Variants in RAP1GAP observed in about 807,000 individuals in gnomAD.
RAP1GAP encodes the protein rap1 GTPase-activating protein 1.
A neutral mutation model predicts 87.2 loss-of-function variants in RAP1GAP; 35 were observed. The ratio of observed to expected loss-of-function variants is 0.40; its 90% CI spans 0.31 to 0.53. The LOEUF (loss-of-function observed/expected upper bound fraction) is 0.53. Among genes scored for constraint, RAP1GAP ranks in the 20% least tolerant of loss-of-function variants. The pLI is 0.48. For synonymous variants in RAP1GAP, 375 were observed against 363.9 expected (o/e 1.03, Z -0.35); for missense variants, 734 against 898.9 (o/e 0.82, Z 2.35).
At chr1:21,631,562 T>TACTA (rs1391027239) in intron 2 of RAP1GAP, among the ~76,000 whole-genome samples, 44 of 152,264 alleles carry the variant, frequency 2.9e-4, no homozygotes, top group African/African-American at 1.0e-3. Context: ...GCCACGCGCC[T>TACTA]GTAATCCTAG....
At chr1:21,665,295 C>T (rs771650388) in intron 1 of RAP1GAP, 1 of 514,570 alleles carries the variant, frequency 1.9e-6, no homozygotes, top group South Asian at 1.4e-5. Flanking sequence ...GGGAGGGTGG[C>T]CTCGGTTGGC....
Position 21,669,141 on chromosome 1 carries a change from C to T in RAP1GAP, c.-149+113G>A. The stretch of plus-strand genomic sequence containing the variant: ...CCCGGGTCCCCCACGCGTTCGCCCC[C>T]ACCCTCCGTCCCCGCCCGCCCGCGC... On this transcript the variant is annotated intron_variant, in intron 1 of 24. Transcript: ENST00000374765. This position sits in a 1 kb window ranked among gnomAD's most constrained non-coding sequence, Gnocchi z 5.6. 1 of 1,138,700 alleles carries T rather than the reference C, an allele frequency of 8.8e-7. No homozygotes were observed. Among genetic ancestry groups the T allele is most frequent in the Non-Finnish European group, 1.1e-6 (1 of 905,462 alleles). The allele number at this position is 1,138,700 out of a possible 1,614,324, so 70.5% of individuals were successfully genotyped here.
chr1:21,643,570 A>G (rs1389511316), intron 2 of RAP1GAP, among the ~76,000 whole-genome samples: 6 of 127,486 alleles, frequency 4.7e-5, no homozygotes, highest in South Asian at 2.4e-4. Context: ...AAAAAAAAAA[A>G]AAAAAGAAAA....
At chr1:21,618,107 CA>C (rs760218401) in intron 5 of RAP1GAP, 135 bp from the exon 6 acceptor site, 2 of 1,043,218 alleles carry the variant, frequency 1.9e-6, no homozygotes, top group Non-Finnish European at 3.0e-6. Flanking sequence ...TACAGATGGG[CA>C]GGGGCTGAGG....
chr1:21,643,960 G>T (rs1447428592), intron 2 of RAP1GAP, among the ~76,000 whole-genome samples: 1 of 152,178 alleles, frequency 6.6e-6, no homozygotes, highest in Non-Finnish European at 1.5e-5. Context: ...GGCACACAGG[G>T]CCAACCAGAC....
At chr1:21,638,573 C>T (rs79381102) in intron 2 of RAP1GAP, among the ~76,000 whole-genome samples, 7,149 of 152,154 alleles carry the variant, frequency 0.047, 206 homozygotes, top group African/African-American at 0.063. Flanking sequence ...TCTGTCTGTC[C>T]GTCCTCTTTC....
intron 2 of RAP1GAP, chr1:21,626,901 C>T (rs1325502657): frequency 8.8e-6 from 4 of 456,664 alleles, no homozygotes; most frequent in Admixed American, 4.7e-5. Flanking sequence ...GTTCTAGGCC[C>T]GAGGGCATGG....
chr1:21,667,605 C>G (rs2097411701), intron 1 of RAP1GAP: 1 of 152,526 alleles, frequency 6.6e-6, no homozygotes, highest in African/African-American at 2.4e-5. Context: ...CACCTCCTGG[C>G]AGCAAAGGGG....
intron 2 of RAP1GAP, among the ~76,000 whole-genome samples, chr1:21,630,231 T>C (rs1293898458): frequency 2.0e-5 from 3 of 151,998 alleles, no homozygotes; most frequent in African/African-American, 7.2e-5. Context: ...ACTTAGTAAA[T>C]AGTAGTTGCT....
chr1:21,654,190 G>T (rs2096768449), intron 1 of RAP1GAP, among the ~76,000 whole-genome samples: 1 of 152,208 alleles, frequency 6.6e-6, no homozygotes, highest in Admixed American at 6.5e-5. Context: ...TTTGGTGACG[G>T]CTGAATTTAA....
intron 2 of RAP1GAP, among the ~76,000 whole-genome samples, chr1:21,644,450 C>T (rs951790725): frequency 1.3e-5 from 2 of 152,180 alleles, no homozygotes; most frequent in African/African-American, 2.4e-5. Flanking sequence ...CTCAGCCTCC[C>T]CAGCCCTAAA....
chr1:21,610,345 G>C, intron 13 of RAP1GAP, 70 bp from the exon 14 acceptor site: 1 of 1,542,116 alleles, frequency 6.5e-7, no homozygotes, highest in Non-Finnish European at 8.9e-7. Flanking sequence ...GTGCCCACGG[G>C]GGTTTAGGAG....
rs187996261 is a variant in RAP1GAP, at chr1:21,639,701, G to A, written c.-113+10060C>T. The stretch of plus-strand genomic sequence containing the variant: ...GCGGGGGGCACAGGCACATCTGTGC[G>A]GATGTGGAGTGAGCAAGGATCCACC... On this transcript the variant is annotated intron_variant, in intron 2 of 24. Coordinates refer to ENST00000374765, the MANE Select transcript of RAP1GAP (RefSeq NM_002885.4). 9.5e-3 allele frequency among the ~76,000 whole-genome samples: 1,445 copies of A among 152,300 alleles called. 23 individuals carry two copies. Among genetic ancestry groups the A allele is most frequent in the Non-Finnish European group, 0.012 (783 of 68,004 alleles).
rs183442457 is a variant in RAP1GAP, at chr1:21,599,595, C to G, written c.1675G>C (p.Ala559Pro). 1.2e-5 allele frequency: 19 copies of G among 1,607,322 alleles called. No homozygotes were observed. The East Asian group carries it at 3.8e-4, about 32-fold the overall frequency. ...CGGGAGAAGTCCTTGAGCGCCTCTG[C>G]TCTCTGCGCTGCGGTCTCCGCTCTG... ...KNRAETAAQR[A>P]EALKDFSRSS... Residue 559 changes from alanine (A) to proline (P), a missense_variant, in exon 21 of 25, where the codon GCA (alanine) becomes CCA (proline). Ala to Pro is a conservative substitution (Grantham distance 27). This residue lies in a region of RAP1GAP where 249 missense variants were observed against 252.7 expected (regional missense o/e 0.99). Transcript: ENST00000374765.
rs575680525 is a variant in RAP1GAP, at chr1:21,627,685, G to A, written c.-112-1288C>T. Among the ~76,000 whole-genome samples, 27 of 152,156 alleles carry A rather than the reference G, an allele frequency of 1.8e-4. No homozygotes were observed. In the Middle Eastern group the frequency reaches 0.014, roughly 77 times the overall value. ...CCGCCTCAGCCTCCCAAAGTGCTGA[G>A]ATTATAGGTGTGAGCCACTGCGCCC... On this transcript the variant is annotated intron_variant, in intron 2 of 24. Coordinates refer to ENST00000374765, the MANE Select transcript of RAP1GAP (RefSeq NM_002885.4).
Position 21,639,380 on chromosome 1 carries a change from A to C in RAP1GAP, c.-113+10381T>G, listed in dbSNP as rs552065935. 2.6e-5 allele frequency among the ~76,000 whole-genome samples: 4 copies of C among 152,318 alleles called. No homozygotes were observed. The South Asian group carries it at 8.3e-4, about 32-fold the overall frequency. On this transcript the variant is annotated intron_variant, in intron 2 of 24. Coordinates refer to ENST00000374765, the MANE Select transcript of RAP1GAP (RefSeq NM_002885.4). ...TCACCTTCTCAGTGACAGCCTGGAAAGGTGACAGTCACACCTGAGTGTGTC... is the reference window on the plus strand; with the variant it reads ...TCACCTTCTCAGTGACAGCCTGGAACGGTGACAGTCACACCTGAGTGTGTC...
chr1:21,651,436 G>A (rs911285110), intron 1 of RAP1GAP: 4 of 577,792 alleles, frequency 6.9e-6, no homozygotes, highest in Non-Finnish European at 1.4e-5. Context: ...ACACACACGC[G>A]CGCACACACA....
chr1:21,631,856 G>A (rs187186546), intron 2 of RAP1GAP, among the ~76,000 whole-genome samples: 2 of 152,234 alleles, frequency 1.3e-5, no homozygotes, highest in East Asian at 1.9e-4. Context: ...CTTCCACAGC[G>A]TGCATCCCAC....
At chr1:21,656,430 A>C (rs28642209) in intron 1 of RAP1GAP, among the ~76,000 whole-genome samples, 2,459 of 91,166 alleles carry the variant, frequency 0.027, 41 homozygotes, top group East Asian at 0.074. Flanking sequence ...AAAAAAAAAA[A>C]AAAAAAAAAA....
Sources: allele counts gnomAD v4.1 joint callset (sites outside exome capture counted in the v4.1 genomes callset), GRCh38; gene constraint gnomAD v4.1.1; regional missense constraint gnomAD v4.1.1; non-coding constraint Gnocchi (gnomAD v3.1); transcripts MANE v1.5; gene names NCBI Gene and HGNC (gene_info 2026-07-23, HGNC 2026-07-21).